RAB11FIP2: variants seen among roughly 807,000 people sequenced by gnomAD.
The protein encoded by RAB11FIP2 is rab11 family-interacting protein 2.
A neutral mutation model predicts 40.9 loss-of-function variants in RAB11FIP2; 16 were observed. That is an observed-to-expected ratio of 0.39 (90% CI 0.26 to 0.59). The LOEUF is 0.59. RAB11FIP2 is among the 20% of genes least tolerant of loss of function. The probability of loss-of-function intolerance (pLI) is 0.53; values close to 1 mark genes in which losing one functional copy is unlikely to be tolerated. For missense variants in RAB11FIP2, 532 were observed against 606.2 expected (o/e 0.88, Z 1.28); for synonymous variants, 228 against 213.7 (o/e 1.07, Z -0.58).
At chr10:118,024,329 T>C (rs1302235281) in intron 3 of RAB11FIP2, among the ~76,000 whole-genome samples, 2 of 152,134 alleles carry the variant, frequency 1.3e-5, no homozygotes, top group Non-Finnish European at 2.9e-5. Context: ...AATATAATCA[T>C]GTGTCTCTTG....
chr10:118,022,291 G>T (rs1564831958), intron 3 of RAB11FIP2, among the ~76,000 whole-genome samples: 1 of 152,114 alleles, frequency 6.6e-6, no homozygotes, highest in Non-Finnish European at 1.5e-5. Flanking sequence ...TGACACTACT[G>T]CAACAGCCTC....
chr10:118,023,481 G>A (rs908222670), intron 3 of RAB11FIP2, among the ~76,000 whole-genome samples: 1 of 152,078 alleles, frequency 6.6e-6, no homozygotes, highest in African/African-American at 2.4e-5. Context: ...TGTCTCCTGG[G>A]ACTGGGCATG....
At chr10:118,024,271 A>C (rs777293238) in intron 3 of RAB11FIP2, among the ~76,000 whole-genome samples, 1 of 152,046 alleles carries the variant, frequency 6.6e-6, no homozygotes, top group Non-Finnish European at 1.5e-5. Context: ...ACAAGCATAC[A>C]ATTTGACATC....
intron 3 of RAB11FIP2, among the ~76,000 whole-genome samples, chr10:118,033,499 G>T (rs971763802): frequency 3.3e-5 from 5 of 151,950 alleles, no homozygotes; most frequent in African/African-American, 1.2e-4. Flanking sequence ...AAATCCAAAG[G>T]GAAACACGAG....
At chr10:118,027,697 T>C (rs1332450880) in intron 3 of RAB11FIP2, among the ~76,000 whole-genome samples, 1 of 152,156 alleles carries the variant, frequency 6.6e-6, no homozygotes, top group African/African-American at 2.4e-5. Flanking sequence ...ACATAGAATA[T>C]AGCTCCATGA....
chr10:118,038,370 A>G (rs1032839359), intron 3 of RAB11FIP2, among the ~76,000 whole-genome samples: 12 of 152,096 alleles, frequency 7.9e-5, no homozygotes, highest in East Asian at 7.7e-4. Flanking sequence ...GGAAAATCCA[A>G]TCTTTCTCAT....
intron 2 of RAB11FIP2, 161 bp downstream of exon 2, chr10:118,039,962 T>C (rs1846533550): frequency 3.3e-6 from 2 of 605,192 alleles, no homozygotes; most frequent in Non-Finnish European, 2.8e-6. Context: ...TCAAGGAACT[T>C]ACCAATTTGA....
chr10:118,033,912 G>T (rs1846448441), intron 3 of RAB11FIP2: 1 of 699,286 alleles, frequency 1.4e-6, no homozygotes, highest in Non-Finnish European at 2.6e-6. Flanking sequence ...TTTGGACAAG[G>T]GCCACTTGGC....
chr10:118,014,987 A>C, intron 4 of RAB11FIP2, 78 bp downstream of exon 4: 1 of 1,263,000 alleles, frequency 7.9e-7, no homozygotes, highest in Admixed American at 2.1e-5. Context: ...AAGAAGACAA[A>C]GGCATTTTTA....
chr10:118,041,551 CA>C (rs1268147669), intron 1 of RAB11FIP2, among the ~76,000 whole-genome samples: 1 of 152,096 alleles, frequency 6.6e-6, no homozygotes, highest in Non-Finnish European at 1.5e-5. Context: ...AATGTTTTCA[CA>C]TAACTTAGCA....
intron 4 of RAB11FIP2, among the ~76,000 whole-genome samples, chr10:118,010,482 T>C (rs1846142894): frequency 6.6e-6 from 1 of 152,068 alleles, no homozygotes; most frequent in Non-Finnish European, 1.5e-5. Flanking sequence ...TCTACTTTAA[T>C]AGTGCTATGT....
At chr10:118,042,588 A>G (rs1846574715) in intron 1 of RAB11FIP2, among the ~76,000 whole-genome samples, 1 of 152,180 alleles carries the variant, frequency 6.6e-6, no homozygotes, top group Admixed American at 6.5e-5. Flanking sequence ...GAGAAAGACA[A>G]TGCAAATTTT....
chr10:118,039,624 T>G (rs1362621834), intron 2 of RAB11FIP2, 184 bp from the exon 3 acceptor site: 8 of 598,454 alleles, frequency 1.3e-5, no homozygotes, highest in Non-Finnish European at 2.3e-5. Flanking sequence ...GCATCGAGGC[T>G]GATAACAACT....
intron 4 of RAB11FIP2, among the ~76,000 whole-genome samples, chr10:118,011,994 ACT>A (rs539972252): frequency 1.7e-3 from 252 of 152,106 alleles, no homozygotes; most frequent in African/African-American, 5.8e-3. Flanking sequence ...ATAAAAGTGC[ACT>A]GTTATATTTA....
intron 3 of RAB11FIP2, chr10:118,018,260 T>C (rs759103342): frequency 1.6e-4 from 25 of 152,234 alleles, no homozygotes; most frequent in East Asian, 3.8e-4. Flanking sequence ...CTGAACTGGA[T>C]TGAATTAGCT....
At chr10:118,024,572 C>T (rs1010004373) in intron 3 of RAB11FIP2, among the ~76,000 whole-genome samples, 1 of 151,338 alleles carries the variant, frequency 6.6e-6, no homozygotes, top group Non-Finnish European at 1.5e-5. Context: ...CAGCAAGGCA[C>T]CTGCAGGGCC....
chr10:118,027,558 ACCAGG>A (rs1229826303), intron 3 of RAB11FIP2, among the ~76,000 whole-genome samples: 2 of 152,192 alleles, frequency 1.3e-5, no homozygotes, highest in Non-Finnish European at 2.9e-5. Context: ...CCATTCCCAT[ACCAGG>A]CTCTGTAACA....
In RAB11FIP2 at chr10:118,008,431, A is replaced by G. The variant is rs1670016292; in HGVS notation, c.*567T>C. On this transcript the variant is annotated 3_prime_UTR_variant, in exon 5 of 5. Transcript: ENST00000355624. The stretch of plus-strand genomic sequence containing the variant: ...CAAGAAATTGGTAGCCTAACTTTAG[A>G]GGCAATCAATTGTTTCTAAATGTTC... 6.5e-6 allele frequency: 1 copy of G among 153,554 alleles called. No individual in the cohort carries two copies. Among genetic ancestry groups the G allele is most frequent in the Admixed American group, 6.5e-5 (1 of 15,426 alleles). 9.5% of individuals were successfully genotyped at this position (153,554 alleles called of 1,614,324 possible). A position where few individuals can be genotyped will look rare whatever the true frequency, so the allele number is the denominator to read the frequency against.
chr10:118,032,562 C>T (rs1011577831), intron 3 of RAB11FIP2, among the ~76,000 whole-genome samples: 5 of 151,978 alleles, frequency 3.3e-5, no homozygotes, highest in Admixed American at 6.6e-5. Flanking sequence ...AATTTAAGTA[C>T]GCATTTGCCA....
Sources: allele counts gnomAD v4.1 joint callset (sites outside exome capture counted in the v4.1 genomes callset), GRCh38; gene constraint gnomAD v4.1.1; transcripts MANE v1.5; gene names NCBI Gene and HGNC (gene_info 2026-07-23, HGNC 2026-07-21).